ADCY5: variants seen among roughly 807,000 people sequenced by gnomAD.
ADCY5 encodes adenylate cyclase type 5.
Under a neutral mutation model 119.7 loss-of-function variants are expected in ADCY5, and 30 were observed. The ratio of observed to expected loss-of-function variants is 0.25; its 90% CI spans 0.19 to 0.34. The LOEUF (loss-of-function observed/expected upper bound fraction) is 0.34. Among genes scored for constraint, ADCY5 ranks in the 10% least tolerant of loss-of-function variants. The probability of loss-of-function intolerance (pLI) is 1.00; values close to 1 mark genes in which losing one functional copy is unlikely to be tolerated. For synonymous variants in ADCY5, 753 were observed against 762.2 expected (o/e 0.99, Z 0.20); for missense variants, 1,324 against 1,775.2 (o/e 0.75, Z 4.57).
At chr3:123,436,677 G>T (rs900241597) in intron 1 of ADCY5, among the ~76,000 whole-genome samples, 1 of 152,150 alleles carries the variant, frequency 6.6e-6, no homozygotes, top group African/African-American at 2.4e-5. Flanking sequence ...CTGCACTCCA[G>T]CCTGGGTGAC....
intron 1 of ADCY5, among the ~76,000 whole-genome samples, chr3:123,396,025 G>A (rs1236339850): frequency 1.7e-5 from 2 of 118,066 alleles, no homozygotes; most frequent in East Asian, 2.9e-4. Flanking sequence ...AGAGAGGGAG[G>A]GAGGGAGAGA....
Position 123,289,167 on chromosome 3 carries a change from G to C in ADCY5, c.3532+583C>G, listed in dbSNP as rs62262644. Among the ~76,000 whole-genome samples the C allele has an allele frequency of 4.7e-3, 712 of 152,150 alleles. 2 individuals are homozygous for C. Among genetic ancestry groups the C allele is most frequent in the Non-Finnish European group, 7.3e-3 (498 of 67,988 alleles). ...AACTATTTCACTTTGTTTTGCTAAC[G>C]ATTTTGCAGATTACATGTTTGATGT... On this transcript the variant is annotated intron_variant, in intron 19 of 20. Transcript: ENST00000462833.
intron 15 of ADCY5, among the ~76,000 whole-genome samples, chr3:123,298,111 T>C (rs1388522651): frequency 6.6e-6 from 1 of 152,174 alleles, no homozygotes; most frequent in Non-Finnish European, 1.5e-5. Flanking sequence ...GCTATTCTTG[T>C]ACCTCAGCCT....
chr3:123,437,834 CAT>C (rs1210538906), intron 1 of ADCY5, among the ~76,000 whole-genome samples: 4 of 152,288 alleles, frequency 2.6e-5, no homozygotes, highest in African/African-American at 7.2e-5. Context: ...CACCAAGGGT[CAT>C]TGTGCAGACC....
chr3:123,421,495 A>C (rs956179634), intron 1 of ADCY5, among the ~76,000 whole-genome samples: 1 of 152,182 alleles, frequency 6.6e-6, no homozygotes, highest in African/African-American at 2.4e-5. Context: ...CATGACACCT[A>C]GTCCTAAATC....
At chr3:123,308,495 T>C (rs1444472435) in intron 12 of ADCY5, among the ~76,000 whole-genome samples, 2 of 152,214 alleles carry the variant, frequency 1.3e-5, no homozygotes, top group Non-Finnish European at 2.9e-5. Context: ...TTCATCTGTA[T>C]GTCAGCCCTA....
intron 1 of ADCY5, among the ~76,000 whole-genome samples, chr3:123,396,727 GAGGAAGGAAGGAAGGA>G (rs774264918): frequency 0.013 from 577 of 45,618 alleles, 23 homozygotes; most frequent in Admixed American, 0.023. Context: ...AGAAGGGAGG[GAGGAAGGAAGGAAGGA>G]AGGAAGGAAG....
intron 1 of ADCY5, among the ~76,000 whole-genome samples, chr3:123,362,743 A>G (rs1943295061): frequency 6.6e-6 from 1 of 152,196 alleles, no homozygotes; most frequent in Non-Finnish European, 1.5e-5. Context: ...TCTATCCTCT[A>G]TCCTCAAGTT....
chr3:123,406,353 C>T (rs1002391232), intron 1 of ADCY5, among the ~76,000 whole-genome samples: 3 of 152,250 alleles, frequency 2.0e-5, no homozygotes, highest in African/African-American at 2.4e-5. Context: ...GTGTGGCCCC[C>T]GCATGGCATG....
chr3:123,339,485 G>GAAAGGGGGAAAGGC (rs1247389130), intron 3 of ADCY5, among the ~76,000 whole-genome samples: 1 of 152,214 alleles, frequency 6.6e-6, no homozygotes, highest in African/African-American at 2.4e-5. Flanking sequence ...CTGGGAAAGG[G>GAAAGGGGGAAAGGC]AAAGGGGGAA....
chr3:123,324,536 C>T (rs1016274563), intron 8 of ADCY5, among the ~76,000 whole-genome samples: 4 of 152,094 alleles, frequency 2.6e-5, no homozygotes, highest in Non-Finnish European at 5.9e-5. Context: ...CTGGTGCCCC[C>T]GAGCTGAGCA....
Position 123,318,006 on chromosome 3 carries a change from AC to A in ADCY5, c.2354+13del. ...AGCCAGAGGAAGGAGCCCAAGAGGG[AC>A]GGGGATACTCACTGGGGCACGATGG... is the stretch of plus-strand genomic sequence containing the variant. On this transcript the variant is annotated intron_variant, in intron 11 of 20. Transcript: ENST00000462833. The A allele has an allele frequency of 1.2e-6, 2 of 1,608,562 alleles. No homozygotes were observed. The highest frequency in any genetic ancestry group is 1.7e-6 in the Non-Finnish European group (2 of 1,175,576).
intron 12 of ADCY5, among the ~76,000 whole-genome samples, chr3:123,305,411 C>A (rs1388920951): frequency 6.6e-6 from 1 of 152,184 alleles, no homozygotes; most frequent in Non-Finnish European, 1.5e-5. Context: ...GGGAGGGGAA[C>A]TGGCTTGTGT....
chr3:123,368,872 T>C (rs1039344651), intron 1 of ADCY5, among the ~76,000 whole-genome samples: 2 of 152,000 alleles, frequency 1.3e-5, no homozygotes, highest in African/African-American at 2.4e-5. Flanking sequence ...AATGAATACA[T>C]GGATGAAAAG....
chr3:123,293,399 G>A (rs886363334), intron 17 of ADCY5, among the ~76,000 whole-genome samples: 1 of 152,208 alleles, frequency 6.6e-6, no homozygotes, highest in African/African-American at 2.4e-5. Context: ...TGGTATTTAT[G>A]TGATGATGGC....
At position 123,442,145 on chromosome 3, in the gene ADCY5, G is replaced by A. The variant is rs538554437; in HGVS notation, c.1134+5267C>T. ...ATGTAACTGTACCCAAAGGATTTAC[G>A]GGCACCATCATGTTGAAGCCCCCAG... is the stretch of plus-strand genomic sequence containing the variant. On this transcript the variant is annotated intron_variant, in intron 1 of 20. Transcript: ENST00000462833. 1.1e-4 allele frequency among the ~76,000 whole-genome samples: 17 copies of A among 152,208 alleles called. No homozygotes were observed. In the East Asian group the frequency reaches 2.3e-3, roughly 21 times the overall value.
rs143783650 is a variant in ADCY5 at position 123,392,743 on chromosome 3, CCT to C, written c.1135-40164_1135-40163del. Among the ~76,000 whole-genome samples the C allele has an allele frequency of 1.8e-4, 28 of 151,756 alleles. No individual in the cohort carries two copies. In the South Asian group the frequency reaches 2.3e-3, roughly 12 times the overall value. ...GTCTCTGCCTCTCTGTCTCCCTCTCCCTCTCTCTCTCTCCCTCCACCACCACC... is the reference window on the plus strand; with the variant it reads ...GTCTCTGCCTCTCTGTCTCCCTCTCCCTCTCTCTCTCCCTCCACCACCACC... On this transcript the variant is annotated intron_variant, in intron 1 of 20. Transcript: ENST00000462833.
chr3:123,436,125 C>T (rs1386725029), intron 1 of ADCY5, among the ~76,000 whole-genome samples: 1 of 151,622 alleles, frequency 6.6e-6, no homozygotes, highest in Non-Finnish European at 1.5e-5. Context: ...CTCCTGACCT[C>T]GTGATCCGCC....
chr3:123,429,616 C>G (rs1409428210), intron 1 of ADCY5, among the ~76,000 whole-genome samples: 1 of 152,072 alleles, frequency 6.6e-6, no homozygotes, highest in East Asian at 1.9e-4. Flanking sequence ...TCACAAGTGA[C>G]AGAGCAACAG....
Sources: allele counts gnomAD v4.1 joint callset (sites outside exome capture counted in the v4.1 genomes callset), GRCh38; gene constraint gnomAD v4.1.1; transcripts MANE v1.5; gene names NCBI Gene and HGNC (gene_info 2026-07-23, HGNC 2026-07-21).